The following ELP4 variants were observed in gnomAD, a reference collection of about 807,000 sequenced individuals.
ELP4 encodes the protein elongator acetyltransferase complex subunit 4, also known as elongator complex protein 4.
In ELP4, 51 loss-of-function variants were observed where a neutral mutation model predicts 48.9. The ratio of observed to expected loss-of-function variants is 1.04; its 90% confidence interval spans 0.83 to 1.32. ELP4 has a LOEUF of 1.32. Ranked by LOEUF, ELP4 falls within the 40% of genes most tolerant of loss-of-function variation. The probability of loss-of-function intolerance (pLI) is 0.00; values close to 1 mark genes in which losing one functional copy is unlikely to be tolerated. For missense variants in ELP4, 519 were observed against 514.6 expected, an observed-to-expected ratio of 1.01 and a Z score of -0.08; for synonymous variants, 210 against 189.2, an observed-to-expected ratio of 1.11 and a Z score of -0.90.
intron 9 of ELP4, among the ~76,000 whole-genome samples, chr11:31,701,591 G>T (rs914873306): frequency 2.6e-5 from 4 of 151,170 alleles, no homozygotes; most frequent in Non-Finnish European, 5.9e-5. Flanking sequence ...CTGTCTCCTG[G>T]GTTCTAAAAC....
At chr11:31,738,232 CAAAAAAAAAAA>C (rs57817538) in intron 9 of ELP4, among the ~76,000 whole-genome samples, 2 of 53,734 alleles carry the variant, frequency 3.7e-5, no homozygotes, top group South Asian at 6.1e-4. Context: ...CCATCTCTAC[CAAAAAAAAAAA>C]AAAAAAAAAA....
At chr11:31,543,379 G>A (rs1027481482) in intron 3 of ELP4, among the ~76,000 whole-genome samples, 1 of 152,102 alleles carries the variant, frequency 6.6e-6, no homozygotes, top group Admixed American at 6.5e-5. Context: ...GAGTGTAGTG[G>A]TGTGATCTTG....
intron 9 of ELP4, among the ~76,000 whole-genome samples, chr11:31,770,752 A>C (rs757697918): frequency 1.7e-4 from 25 of 150,840 alleles, no homozygotes; most frequent in Non-Finnish European, 2.4e-4. Context: ...GCCCATCTCT[A>C]CAAAAAATAG....
At chr11:31,750,010 C>A (rs1352769036) in intron 9 of ELP4, among the ~76,000 whole-genome samples, 1 of 151,944 alleles carries the variant, frequency 6.6e-6, no homozygotes, top group Non-Finnish European at 1.5e-5. Flanking sequence ...TGCCCACCAC[C>A]GTGCCCAGCT....
chr11:31,610,914 T>C (rs779618218), intron 5 of ELP4, among the ~76,000 whole-genome samples: 1 of 152,206 alleles, frequency 6.6e-6, no homozygotes, highest in Non-Finnish European at 1.5e-5. Flanking sequence ...ACTTCAATAA[T>C]GTAATCTTTG....
chr11:31,761,822 C>T (rs1159888791), intron 9 of ELP4: 1 of 152,156 alleles, frequency 6.6e-6, no homozygotes, highest in African/African-American at 2.4e-5. Context: ...GGATGATGAC[C>T]ATCTGCTCCA....
Position 31,512,405 on chromosome 11 carries a change from G to A in ELP4, c.223+2398G>A, listed in dbSNP as rs1348120873. On this transcript the variant is annotated intron_variant, in intron 1 of 9. Coordinates refer to ENST00000640961, the MANE Select transcript of ELP4 (RefSeq NM_019040.5). Reference sequence around the variant, plus strand: ...CATACATGCTAATTGTTAGTCATTTGATGATACACTGATAATTCCATTACT... The same window carrying A: ...CATACATGCTAATTGTTAGTCATTTAATGATACACTGATAATTCCATTACT... 1.3e-5 allele frequency: 2 copies of A among 152,106 alleles called. 1 individual carries two copies. Among genetic ancestry groups the A allele is most frequent in the Non-Finnish European group, 2.9e-5 (2 of 68,022 alleles). 9.4% of individuals were successfully genotyped at this position (152,106 alleles called of 1,614,324 possible).
intron 9 of ELP4, among the ~76,000 whole-genome samples, chr11:31,775,900 G>A (rs1948235519): frequency 6.6e-6 from 1 of 152,128 alleles, no homozygotes; most frequent in Non-Finnish European, 1.5e-5. Context: ...AGGAGGTGGA[G>A]GTTGCAGTGA....
intron 1 of ELP4, among the ~76,000 whole-genome samples, chr11:31,519,546 G>C (rs1328758580): frequency 1.3e-5 from 2 of 152,132 alleles, no homozygotes; most frequent in Non-Finnish European, 2.9e-5. Flanking sequence ...GCCGGGCCTG[G>C]TGGCTCACTG....
chr11:31,654,352 T>C (rs1433166655), intron 9 of ELP4: 1 of 151,776 alleles, frequency 6.6e-6, no homozygotes, highest in Non-Finnish European at 1.5e-5. Flanking sequence ...AAAAAAATAG[T>C]GTCAAAGTAA....
At chr11:31,673,398 A>G (rs912271117) in intron 9 of ELP4, among the ~76,000 whole-genome samples, 7 of 152,042 alleles carry the variant, frequency 4.6e-5, no homozygotes, top group African/African-American at 1.4e-4. Flanking sequence ...TGGTGTCATC[A>G]TAGCTCACTG....
At position 31,592,585 on chromosome 11, in the gene ELP4, T is replaced by C. The variant is rs1957600999; in HGVS notation, c.382-2185T>C. Among the ~76,000 whole-genome samples the C allele has an allele frequency of 2.0e-5, 3 of 150,050 alleles. No individual in the cohort carries two copies. The Admixed American group carries it at 2.0e-4, about 10-fold the overall frequency. On this transcript the variant is annotated intron_variant, in intron 3 of 9. Coordinates refer to ENST00000640961, the MANE Select transcript of ELP4 (RefSeq NM_019040.5). ...GTATATATAAGAAACCTTATATATGTATATGTATATATAAGAAACCTTATA... is the reference window on the plus strand; with the variant it reads ...GTATATATAAGAAACCTTATATATGCATATGTATATATAAGAAACCTTATA...
intron 9 of ELP4, among the ~76,000 whole-genome samples, chr11:31,680,735 A>G (rs917973928): frequency 1.3e-5 from 2 of 152,242 alleles, no homozygotes; most frequent in Non-Finnish European, 2.9e-5. Context: ...TGTTGTGTTC[A>G]ATAGGCTGCA....
intron 2 of ELP4, among the ~76,000 whole-genome samples, chr11:31,532,850 T>C (rs896802455): frequency 6.7e-6 from 1 of 149,168 alleles, no homozygotes; most frequent in Admixed American, 6.7e-5. Context: ...CGGCTCATTG[T>C]AACCTCTGCC....
Position 31,644,666 on chromosome 11 carries a change from A to G in ELP4, c.928-3075A>G, listed in dbSNP as rs144132947. Among the ~76,000 whole-genome samples, 330 of 151,878 alleles carry G rather than the reference A, an allele frequency of 2.2e-3. 2 individuals are homozygous for G. The highest frequency in any genetic ancestry group is 6.8e-3 in the Middle Eastern group (2 of 292). ...CTTCTAAGTAAATTCACCTGCTTTT[A>G]TCTAAAAGACCATTTAGTATTAATA... On this transcript the variant is annotated intron_variant, in intron 7 of 9. Transcript: ENST00000640961.
In ELP4 at chr11:31,605,261, A is replaced by G. The variant is rs1214542242; in HGVS notation, c.653+1354A>G. Among the ~76,000 whole-genome samples, 4 of 152,076 alleles carry G rather than the reference A, an allele frequency of 2.6e-5. No individual in the cohort carries two copies. In the East Asian group the frequency reaches 5.8e-4, roughly 22 times the overall value. On this transcript the variant is annotated intron_variant, in intron 5 of 9. Transcript: ENST00000640961. Reference sequence around the variant, plus strand: ...AATCACCTAAAATCAGTGAAAATCAATATCTTCATGTGAAAAATTGGAGGT... The same window carrying G: ...AATCACCTAAAATCAGTGAAAATCAGTATCTTCATGTGAAAAATTGGAGGT...
At chr11:31,738,733 C>T (rs1390059691) in intron 9 of ELP4, among the ~76,000 whole-genome samples, 1 of 151,112 alleles carries the variant, frequency 6.6e-6, no homozygotes, top group African/African-American at 2.4e-5. Flanking sequence ...AGAGTGAGAC[C>T]TTGTCTCAAA....
At chr11:31,687,941 A>T (rs1946196943) in intron 9 of ELP4, among the ~76,000 whole-genome samples, 1 of 152,226 alleles carries the variant, frequency 6.6e-6, no homozygotes, top group African/African-American at 2.4e-5. Context: ...GGATTAAAAA[A>T]TATTTATGAC....
In ELP4 at chr11:31,511,210, T is replaced by G. The variant is rs1389993121; in HGVS notation, c.223+1203T>G. The G allele has an allele frequency of 2.0e-5, 3 of 152,296 alleles. No individual in the cohort carries two copies. The South Asian group carries it at 6.2e-4, about 32-fold the overall frequency. The allele number at this position is 152,296 out of a possible 1,614,324, so 9.4% of individuals were successfully genotyped here. ...AGTTGCATGGTACTGTAAATAGAAG[T>G]GATTCAAAATATCTAGTTAGCAAAT... On this transcript the variant is annotated intron_variant, in intron 1 of 9. Coordinates refer to ENST00000640961, the MANE Select transcript of ELP4 (RefSeq NM_019040.5).
Sources: gnomAD v4.1 joint callset for allele counts (sites outside exome capture counted in the v4.1 genomes callset) on GRCh38, gnomAD v4.1.1 for gene constraint, MANE v1.5 for transcripts, NCBI Gene and HGNC (gene_info 2026-07-23, HGNC 2026-07-21) for gene names.